The following MYCBP2 variants were observed in gnomAD, a reference collection of about 807,000 sequenced individuals.
MYCBP2 encodes the protein MYC binding protein 2.
MYCBP2 carries 120 observed loss-of-function variants against 525.3 expected under a neutral mutation model. That is an observed-to-expected ratio of 0.23 (90% CI 0.20 to 0.27). The LOEUF (loss-of-function observed/expected upper bound fraction) is 0.27, where lower values mean the gene tolerates loss of function less well. Among genes scored for constraint, MYCBP2 ranks in the 10% least tolerant of loss-of-function variants. The pLI, the probability that MYCBP2 is intolerant of heterozygous loss-of-function variation, is 1.00. For synonymous variants in MYCBP2, 1,894 were observed against 1,955.8 expected (o/e 0.97, Z 0.83); for missense variants, 4,149 against 5,657.1 (o/e 0.73, Z 8.55).
rs752762644 is a variant in MYCBP2 at position 77,288,153 on chromosome 13, T to C, written c.594+8A>G. 1.9e-6 allele frequency: 3 copies of C among 1,613,416 alleles called. No homozygotes were observed. The highest frequency in any genetic ancestry group is 3.3e-4 in the Middle Eastern group (2 of 6,058). ...ACATCTAAATATTAATAGAACTCAG[T>C]GGCTTACCTTTGGAAGCTTGATAGG... On this transcript the variant is annotated splice_region_variant and intron_variant, in intron 3 of 82. Transcript: ENST00000544440.
chr13:77,123,242 T>TATC (rs1474565725), intron 54 of MYCBP2, among the ~76,000 whole-genome samples: 12 of 152,220 alleles, frequency 7.9e-5, no homozygotes, highest in African/African-American at 2.9e-4. Context: ...TTTCTTTCCT[T>TATC]ATCACTCCAG....
chr13:77,102,616 C>T (rs1334272079), intron 55 of MYCBP2, among the ~76,000 whole-genome samples: 1 of 151,230 alleles, frequency 6.6e-6, no homozygotes, highest in African/African-American at 2.4e-5. Context: ...ATAGTTTAAA[C>T]ATTTCTAAGT....
At chr13:77,061,576 T>C (rs2154072575) in intron 75 of MYCBP2, 86 bp downstream of exon 75, 1 of 1,463,026 alleles carries the variant, frequency 6.8e-7, no homozygotes, top group Non-Finnish European at 9.2e-7. Context: ...AGTCCACTTT[T>C]TCCCCCTACT....
chr13:77,164,055 T>C (rs1170751389), intron 43 of MYCBP2, among the ~76,000 whole-genome samples: 1 of 152,258 alleles, frequency 6.6e-6, no homozygotes, highest in Non-Finnish European at 1.5e-5. Context: ...ATAACGATCA[T>C]ATTCAATTAC....
In MYCBP2 at chr13:77,098,487, T is replaced by C. The variant is rs1336591230; in HGVS notation, c.8667A>G (p.Thr2889=). ...DTLRKKKMPL[T]EPLRGRSTSP... is the part of the protein sequence containing the mutation. ...ACGTTGACCGTCCTCTCAAAGGTTC[T>C]GTGAGGGGCATTTTCTTCTTGCGGA... The change falls in exon 56 of 83, where the codon ACA becomes ACG. Residue 2889 remains threonine, a synonymous_variant. Transcript: ENST00000544440. 5 of 1,613,618 alleles carry C rather than the reference T, an allele frequency of 3.1e-6. No homozygotes were observed. Among genetic ancestry groups the C allele is most frequent in the South Asian group, 2.2e-5 (2 of 91,070 alleles).
In MYCBP2 at chr13:77,270,380, T is replaced by C. The variant is rs371018243; in HGVS notation, c.1104A>G (p.Leu368=). The C allele has an allele frequency of 3.7e-6, 6 of 1,613,508 alleles. No homozygotes were observed. Among genetic ancestry groups the C allele is most frequent in the African/African-American group, 1.3e-5 (1 of 74,892 alleles). The change falls in exon 6 of 83, where the codon CTA becomes CTG. Residue 368 remains leucine (L), a synonymous_variant. Transcript: ENST00000544440. The part of the protein sequence containing the change: ...EISVDEDDQC[L]LQNDGFFLYL... ...AAAGAAAAAATCCATCATTCTGAAG[T>C]AGACATTGGTCATCTTCATCAACAG...
chr13:77,086,125 T>A (rs974791172), intron 62 of MYCBP2, among the ~76,000 whole-genome samples: 4 of 152,148 alleles, frequency 2.6e-5, no homozygotes, highest in African/African-American at 7.2e-5. Flanking sequence ...TTACACTTTC[T>A]TTTCTCTTCA....
At chr13:77,270,205 A>G (rs2074684132) in intron 6 of MYCBP2, 91 bp downstream of exon 6, 1 of 1,458,680 alleles carries the variant, frequency 6.9e-7, no homozygotes, top group African/African-American at 1.4e-5. Flanking sequence ...AAATTAGATC[A>G]TATTCTAGAA....
In MYCBP2 at chr13:77,233,132, T is replaced by TAGG. The variant is rs748604334; in HGVS notation, c.2737+21_2737+23dup. ...GAAGAAATTGGGAAAGTATCCCACCTAGGTGATAAGGAAGACCAAATACCT... is the reference window on the plus strand; with the variant it reads ...GAAGAAATTGGGAAAGTATCCCACCTAGGAGGTGATAAGGAAGACCAAATACCT... On this transcript the variant is annotated intron_variant, in intron 18 of 82. Transcript: ENST00000544440. 52 of 1,591,580 alleles carry TAGG rather than the reference T, an allele frequency of 3.3e-5. No homozygotes were observed. The South Asian group carries it at 5.2e-4, about 16-fold the overall frequency.
At chr13:77,116,774 T>G (rs1385488407) in intron 55 of MYCBP2, among the ~76,000 whole-genome samples, 1 of 152,050 alleles carries the variant, frequency 6.6e-6, no homozygotes, top group Non-Finnish European at 1.5e-5. Flanking sequence ...TGTTATTCCC[T>G]GGAAGAGACA....
intron 60 of MYCBP2, 96 bp from the exon 61 acceptor site, chr13:77,089,127 G>T: frequency 2.2e-6 from 2 of 918,500 alleles, no homozygotes; most frequent in South Asian, 2.2e-5. Context: ...CTTTGTCATT[G>T]GTTTTTTGAA....
At chr13:77,215,474 A>G (rs2064690457) in intron 21 of MYCBP2, among the ~76,000 whole-genome samples, 1 of 152,184 alleles carries the variant, frequency 6.6e-6, no homozygotes, top group African/African-American at 2.4e-5. Context: ...AAATATATTG[A>G]TATTGTTGAG....
At chr13:77,280,236 G>A (rs1385590793) in intron 3 of MYCBP2, among the ~76,000 whole-genome samples, 1 of 152,198 alleles carries the variant, frequency 6.6e-6, no homozygotes, top group Non-Finnish European at 1.5e-5. Flanking sequence ...CTTTGGAGAA[G>A]TTATCTAAAA....
intron 47 of MYCBP2, among the ~76,000 whole-genome samples, chr13:77,150,427 C>G (rs558440212): frequency 6.6e-6 from 1 of 152,162 alleles, no homozygotes. Context: ...TAGGTGTGGG[C>G]CACTGTTCCT....
chr13:77,224,977 T>G (rs187838815), intron 19 of MYCBP2, among the ~76,000 whole-genome samples: 2 of 152,358 alleles, frequency 1.3e-5, no homozygotes, highest in African/African-American at 4.8e-5. Flanking sequence ...TTTAACATTT[T>G]TGTTTTTATA....
intron 52 of MYCBP2, chr13:77,129,773 TC>T (rs1221275433): frequency 2.8e-4 from 42 of 151,964 alleles, no homozygotes; most frequent in Admixed American, 2.6e-3. Flanking sequence ...CAATTTTCCT[TC>T]CCTTTATAAG....
chr13:77,128,036 A>G (rs2052006627), intron 52 of MYCBP2, among the ~76,000 whole-genome samples: 1 of 151,886 alleles, frequency 6.6e-6, no homozygotes, highest in African/African-American at 2.4e-5. Flanking sequence ...TAAACACTCA[A>G]AAAACTTAGA....
Position 77,078,842 on chromosome 13 carries a change from A to C in MYCBP2, c.11466T>G (p.Asp3822Glu). Residue 3822 changes from aspartate to glutamate, a missense_variant, in exon 66 of 83, where the codon GAT becomes GAG. Physicochemically the swap from Asp to Glu is conservative, Grantham distance 45 (BLOSUM62 2). This residue lies in a region of MYCBP2 where 509 missense variants were observed against 789.4 expected (regional missense o/e 0.64). Transcript: ENST00000544440. ...MTFLTGKAVEDLCRIKQVDLD... is the reference protein window; with the variant it reads ...MTFLTGKAVEELCRIKQVDLD... ...CAATTACCTGCTTTATTCTGCACAA[A>C]TCTTCTACTGCTTTGCCAGTTAAGA... is the stretch of plus-strand genomic sequence containing the variant. 1 of 1,613,688 alleles carries C rather than the reference A, an allele frequency of 6.2e-7. No individual in the cohort carries two copies. The highest frequency in any genetic ancestry group is 8.5e-7 in the Non-Finnish European group (1 of 1,179,718).
At chr13:77,087,410 A>G in intron 62 of MYCBP2, 74 bp downstream of exon 62, 2 of 1,250,620 alleles carry the variant, frequency 1.6e-6, no homozygotes, top group Non-Finnish European at 2.2e-6. Flanking sequence ...TTTCATGCAA[A>G]TTATTGGACT....
Sources: gnomAD v4.1 joint callset for allele counts (sites outside exome capture counted in the v4.1 genomes callset) on GRCh38, gnomAD v4.1.1 for gene constraint, gnomAD v4.1.1 regional missense constraint, MANE v1.5 for transcripts, NCBI Gene and HGNC (gene_info 2026-07-23, HGNC 2026-07-21) for gene names.